Variants in GPRIN3 observed in about 807,000 individuals in gnomAD.
The protein encoded by GPRIN3 is G protein-regulated inducer of neurite outgrowth 3.
In GPRIN3, 12 loss-of-function variants were observed where a neutral mutation model predicts 13.7. The ratio of observed to expected loss-of-function variants is 0.87; its 90% CI spans 0.56 to 1.42. GPRIN3 has a LOEUF of 1.42. GPRIN3 is among the 40% of genes most tolerant of loss of function. The pLI, the probability that GPRIN3 is intolerant of heterozygous loss-of-function variation, is 0.00. For missense variants in GPRIN3, 1,009 were observed against 958.7 expected (o/e 1.05, Z -0.69); for synonymous variants, 377 against 372.7 (o/e 1.01, Z -0.13).
intron 1 of GPRIN3, among the ~76,000 whole-genome samples, chr4:89,295,158 A>G (rs1724697312): frequency 1.3e-5 from 2 of 152,224 alleles, no homozygotes; most frequent in South Asian, 2.1e-4. Context: ...CGACCCAAGA[A>G]TTAGACATTT....
At chr4:89,276,454 C>A (rs2149275387) in intron 1 of GPRIN3, among the ~76,000 whole-genome samples, 1 of 152,174 alleles carries the variant, frequency 6.6e-6, no homozygotes, top group African/African-American at 2.4e-5. Context: ...TTTGCTTTTG[C>A]TTATCATTTA....
chr4:89,280,165 C>T (rs1724208144), intron 1 of GPRIN3, among the ~76,000 whole-genome samples: 1 of 152,108 alleles, frequency 6.6e-6, no homozygotes, highest in South Asian at 2.1e-4. Flanking sequence ...TGGATCCTTC[C>T]TTTGTAATAT....
chr4:89,303,097 T>G (rs1194840335), intron 1 of GPRIN3, among the ~76,000 whole-genome samples: 2 of 152,106 alleles, frequency 1.3e-5, no homozygotes, highest in African/African-American at 4.8e-5. Flanking sequence ...TAACTTTGTC[T>G]CTTCAGAATA....
intron 1 of GPRIN3, among the ~76,000 whole-genome samples, chr4:89,274,061 A>G (rs764928206): frequency 4.7e-4 from 72 of 152,240 alleles, no homozygotes; most frequent in Non-Finnish European, 8.4e-4. Flanking sequence ...AAAGACAGAC[A>G]ATGAGAGGAT....
chr4:89,304,070 C>G (rs1030164987), intron 1 of GPRIN3, among the ~76,000 whole-genome samples: 21 of 152,130 alleles, frequency 1.4e-4, no homozygotes, highest in Non-Finnish European at 2.8e-4. Context: ...ACATCCAGGT[C>G]CATCCATCTT....
At chr4:89,288,512 G>A (rs1057493006) in intron 1 of GPRIN3, among the ~76,000 whole-genome samples, 1 of 152,182 alleles carries the variant, frequency 6.6e-6, no homozygotes, top group African/African-American at 2.4e-5. Flanking sequence ...GAGGGCAGCA[G>A]GCAGCTGATG....
chr4:89,265,679 T>C (rs907712107), intron 1 of GPRIN3, among the ~76,000 whole-genome samples: 4 of 152,186 alleles, frequency 2.6e-5, no homozygotes, highest in African/African-American at 9.6e-5. Flanking sequence ...CAGCAGATGC[T>C]TATTTATTAT....
chr4:89,272,472 C>T (rs1307056951), intron 1 of GPRIN3, among the ~76,000 whole-genome samples: 2 of 152,140 alleles, frequency 1.3e-5, no homozygotes, highest in African/African-American at 2.4e-5. Flanking sequence ...CAGTTTAGAA[C>T]TTATGAAAAT....
rs992279105 is a variant in GPRIN3, at chr4:89,237,924, A to G, written c.*9856T>C. ...AAACAAACACCCACTGGTGGGACAT[A>G]AACAGCTATAGGCATAAGACAAACC... On this transcript the variant is annotated 3_prime_UTR_variant, in exon 2 of 2. Coordinates refer to ENST00000609438, the MANE Select transcript of GPRIN3 (RefSeq NM_198281.3). 1 of 152,220 alleles carries G rather than the reference A, an allele frequency of 6.6e-6. No homozygotes were observed. Among genetic ancestry groups the G allele is most frequent in the African/African-American group, 2.4e-5 (1 of 41,448 alleles). 9.4% of individuals were successfully genotyped at this position (152,220 alleles called of 1,614,324 possible). A position where few individuals can be genotyped will look rare whatever the true frequency, so the allele number is the denominator to read the frequency against.
chr4:89,274,083 G>A (rs903217842), intron 1 of GPRIN3, among the ~76,000 whole-genome samples: 1 of 152,200 alleles, frequency 6.6e-6, no homozygotes, highest in African/African-American at 2.4e-5. Flanking sequence ...AGACAAATGG[G>A]GGAAGAGGGC....
intron 1 of GPRIN3, among the ~76,000 whole-genome samples, chr4:89,258,827 C>G (rs1292200254): frequency 6.6e-6 from 1 of 152,182 alleles, no homozygotes; most frequent in Non-Finnish European, 1.5e-5. Flanking sequence ...TCACTAGCAG[C>G]CTTTCCACGG....
intron 1 of GPRIN3, among the ~76,000 whole-genome samples, chr4:89,270,591 AT>A (rs1723919813): frequency 7.7e-6 from 1 of 129,422 alleles, no homozygotes; most frequent in Non-Finnish European, 1.6e-5. Context: ...ATATATATAT[AT>A]ATATATATAA....
chr4:89,264,823 T>G (rs1376412718), intron 1 of GPRIN3, among the ~76,000 whole-genome samples: 1 of 152,154 alleles, frequency 6.6e-6, no homozygotes, highest in African/African-American at 2.4e-5. Flanking sequence ...TTCCATAACA[T>G]TAATCACCTA....
In GPRIN3 at chr4:89,237,674, T is replaced by C. The variant is rs1389853558; in HGVS notation, c.*10106A>G. 1 of 152,206 alleles carries C rather than the reference T, an allele frequency of 6.6e-6. No homozygotes were observed. The highest frequency in any genetic ancestry group is 2.4e-5 in the African/African-American group (1 of 41,458). The allele number at this position is 152,206 out of a possible 1,614,324, so 9.4% of individuals were successfully genotyped here. A position where few individuals can be genotyped will look rare whatever the true frequency, so the allele number is the denominator to read the frequency against. On this transcript the variant is annotated 3_prime_UTR_variant, in exon 2 of 2. Coordinates refer to ENST00000609438, the MANE Select transcript of GPRIN3 (RefSeq NM_198281.3). ...ATTTATTTACAAGCCTCCCAGTTTA[T>C]GATACTTTATTATAGCAGCCCAGAT...
intron 1 of GPRIN3, among the ~76,000 whole-genome samples, chr4:89,255,499 A>G (rs1300023644): frequency 6.6e-6 from 1 of 152,202 alleles, no homozygotes; most frequent in Non-Finnish European, 1.5e-5. Flanking sequence ...ATATTGCAAT[A>G]GAGTAGAGAG....
chr4:89,280,627 C>T (rs918397859), intron 1 of GPRIN3, among the ~76,000 whole-genome samples: 8 of 152,092 alleles, frequency 5.3e-5, no homozygotes, highest in African/African-American at 1.7e-4. Flanking sequence ...CACCTAGAAC[C>T]GGTGAATGTA....
At chr4:89,301,136 G>A (rs541862996) in intron 1 of GPRIN3, among the ~76,000 whole-genome samples, 104 of 152,254 alleles carry the variant, frequency 6.8e-4, no homozygotes, top group African/African-American at 2.4e-3. Context: ...TGAGTGGATT[G>A]AGAAACTAAT....
At chr4:89,298,660 T>C (rs1323945958) in intron 1 of GPRIN3, among the ~76,000 whole-genome samples, 1 of 151,416 alleles carries the variant, frequency 6.6e-6, no homozygotes, top group Non-Finnish European at 1.5e-5. Context: ...TTTACATACA[T>C]ACATATATAT....
At chr4:89,257,963 A>G (rs1229565686) in intron 1 of GPRIN3, among the ~76,000 whole-genome samples, 1 of 151,948 alleles carries the variant, frequency 6.6e-6, no homozygotes, top group Non-Finnish European at 1.5e-5. Flanking sequence ...CTAGAATCAC[A>G]TGCATGTACG....
Sources: allele counts gnomAD v4.1 joint callset (sites outside exome capture counted in the v4.1 genomes callset), GRCh38; gene constraint gnomAD v4.1.1; transcripts MANE v1.5; gene names NCBI Gene and HGNC (gene_info 2026-07-23, HGNC 2026-07-21).